DGAT2: variants seen among roughly 807,000 people sequenced by gnomAD.
The protein encoded by DGAT2 is diacylglycerol O-acyltransferase 2, also known as acyl-CoA retinol O-fatty-acyltransferase.
In DGAT2, 33 loss-of-function variants were observed where a neutral mutation model predicts 48.4. The observed-to-expected ratio is 0.68, with a 90% CI of 0.52 to 0.91. DGAT2 has a LOEUF of 0.91. Among genes scored for constraint, DGAT2 ranks in the 40% least tolerant of loss-of-function variants. The probability of loss-of-function intolerance (pLI) is 0.00; values close to 1 mark genes in which losing one functional copy is unlikely to be tolerated. For missense variants in DGAT2, 446 were observed against 493.7 expected (o/e 0.90, Z 0.92); for synonymous variants, 191 against 194.1 (o/e 0.98, Z 0.13).
chr11:75,789,937 A>G (rs1295079834), intron 2 of DGAT2, among the ~76,000 whole-genome samples: 2 of 152,202 alleles, frequency 1.3e-5, no homozygotes, highest in Non-Finnish European at 2.9e-5. Context: ...TCCAGATAAC[A>G]TGGAGCCCAT....
At chr11:75,782,375 C>T (rs1020111336) in intron 1 of DGAT2, among the ~76,000 whole-genome samples, 6 of 152,212 alleles carry the variant, frequency 3.9e-5, no homozygotes, top group African/African-American at 7.2e-5. Context: ...TCCCAGACCA[C>T]GCTTTGAGTA....
intron 1 of DGAT2, among the ~76,000 whole-genome samples, chr11:75,774,395 G>C (rs993349489): frequency 3.9e-5 from 6 of 152,156 alleles, no homozygotes; most frequent in South Asian, 2.1e-4. Context: ...ATGCAGACAG[G>C]CTACACCCTG....
intron 2 of DGAT2, among the ~76,000 whole-genome samples, chr11:75,786,952 A>T (rs955084787): frequency 6.6e-6 from 1 of 152,246 alleles, no homozygotes; most frequent in African/African-American, 2.4e-5. Flanking sequence ...TCTATACATT[A>T]AAAAAGCTGA....
At chr11:75,790,777 A>G in intron 4 of DGAT2, 46 bp downstream of exon 4, 1 of 1,603,386 alleles carries the variant, frequency 6.2e-7, no homozygotes, top group Non-Finnish European at 8.5e-7. Context: ...AATGGATGGG[A>G]AATCTGAACT....
Position 75,798,298 on chromosome 11 carries a change from C to T in DGAT2, c.881C>T (p.Ser294Phe). The change falls in exon 7 of 8, where the codon TCC (serine) becomes TTC (phenylalanine). Residue 294 changes from serine to phenylalanine, a missense_variant. By Grantham distance (155) the Ser-to-Phe change is radical. Transcript: ENST00000228027. ...VYKQVIFEEG[S>F]WGRWVQKKFQ... Reference sequence around the variant, plus strand: ...AAGCAGGTGATCTTCGAGGAGGGCTCCTGGGGCCGATGGGTCCAGAAGAAG... The same window carrying T: ...AAGCAGGTGATCTTCGAGGAGGGCTTCTGGGGCCGATGGGTCCAGAAGAAG... 1.2e-6 allele frequency: 2 copies of T among 1,614,190 alleles called. No homozygotes were observed. The highest frequency in any genetic ancestry group is 1.1e-5 in the South Asian group (1 of 91,084).
Position 75,800,442 on chromosome 11 carries a change from G to A in DGAT2, c.1101G>A (p.Val367=). ...ACACCATGTACATGGAGGCCCTGGTGAAGCTCTTCGACAAGCACAAGACCA... is the reference window on the plus strand; with the variant it reads ...ACACCATGTACATGGAGGCCCTGGTAAAGCTCTTCGACAAGCACAAGACCA... ...LYHTMYMEAL[V]KLFDKHKTKF... is the part of the protein sequence containing the mutation. Residue 367 remains valine, a synonymous_variant, in exon 8 of 8, where the codon GTG becomes GTA. Transcript: ENST00000228027. 1 of 1,614,212 alleles carries A rather than the reference G, an allele frequency of 6.2e-7. No homozygotes were observed. The highest frequency in any genetic ancestry group is 8.5e-7 in the Non-Finnish European group (1 of 1,180,038).
chr11:75,799,634 G>A (rs1452026174), intron 7 of DGAT2, among the ~76,000 whole-genome samples: 1 of 149,752 alleles, frequency 6.7e-6, no homozygotes, highest in South Asian at 2.1e-4. Context: ...TTATTTTTGA[G>A]ACAGGGTCTC....
intron 4 of DGAT2, among the ~76,000 whole-genome samples, chr11:75,791,139 C>T (rs965030726): frequency 6.6e-6 from 1 of 152,250 alleles, no homozygotes; most frequent in African/African-American, 2.4e-5. Context: ...AGCTCCAGCA[C>T]ACCCTAGCTG....
At chr11:75,787,269 T>A (rs751818429) in intron 2 of DGAT2, among the ~76,000 whole-genome samples, 13 of 152,186 alleles carry the variant, frequency 8.5e-5, no homozygotes, top group Non-Finnish European at 1.8e-4. Context: ...TCAGGCTGAG[T>A]AAGTTCAAAC....
chr11:75,785,493 G>A (rs1944912094), intron 2 of DGAT2, among the ~76,000 whole-genome samples: 1 of 152,188 alleles, frequency 6.6e-6, no homozygotes, highest in South Asian at 2.1e-4. Flanking sequence ...TGCAGGTCTG[G>A]CTAGATACCC....
chr11:75,785,447 C>G (rs1399179317), intron 2 of DGAT2, among the ~76,000 whole-genome samples: 1 of 152,218 alleles, frequency 6.6e-6, no homozygotes, highest in Non-Finnish European at 1.5e-5. Context: ...TGCTATCTCT[C>G]AGCACAGCCC....
intron 2 of DGAT2, among the ~76,000 whole-genome samples, chr11:75,789,449 T>C (rs1427873233): frequency 6.6e-6 from 1 of 152,180 alleles, no homozygotes; most frequent in Non-Finnish European, 1.5e-5. Flanking sequence ...TGTGCCTGGC[T>C]GCTGAAGTTT....
rs761541425 is a variant in DGAT2 at position 75,796,520 on chromosome 11, C to T, written c.622C>T (p.Leu208=). The change falls in exon 5 of 8, where the codon CTG becomes TTG. Residue 208 remains leucine (L), a synonymous_variant. Coordinates refer to ENST00000228027, the MANE Select transcript of DGAT2 (RefSeq NM_032564.5). ...NFRMPVLREY[L]MSGGICPVSR... ...CCGAATGCCTGTGTTGAGGGAGTAC[C>T]TGATGTCTGGAGGTAAGAATCCACC... 4 of 1,612,350 alleles carry T rather than the reference C, an allele frequency of 2.5e-6. No homozygotes were observed. Among genetic ancestry groups the T allele is most frequent in the Non-Finnish European group, 3.4e-6 (4 of 1,179,886 alleles).
chr11:75,774,615 G>A (rs143473032), intron 1 of DGAT2, among the ~76,000 whole-genome samples: 83 of 152,196 alleles, frequency 5.5e-4, no homozygotes, highest in East Asian at 1.7e-3. Context: ...GGAGAAATGC[G>A]ATTCCATTCT....
intron 1 of DGAT2, among the ~76,000 whole-genome samples, chr11:75,782,558 G>A (rs1391557169): frequency 6.6e-6 from 1 of 152,174 alleles, no homozygotes; most frequent in African/African-American, 2.4e-5. Flanking sequence ...GACTTGTCCA[G>A]CCCCAGCCCT....
intron 7 of DGAT2, 75 bp downstream of exon 7, chr11:75,798,504 G>A: frequency 6.5e-7 from 1 of 1,528,572 alleles, no homozygotes; most frequent in Non-Finnish European, 8.9e-7. Flanking sequence ...GTAGAGACGG[G>A]ATTCCAATGC....
intron 2 of DGAT2, among the ~76,000 whole-genome samples, chr11:75,787,030 T>A (rs1445520389): frequency 1.3e-5 from 2 of 152,232 alleles, no homozygotes; most frequent in African/African-American, 4.8e-5. Context: ...CATGTAATAA[T>A]TACTATAGTT....
At chr11:75,781,008 C>T (rs1165417821) in intron 1 of DGAT2, among the ~76,000 whole-genome samples, 1 of 152,226 alleles carries the variant, frequency 6.6e-6, no homozygotes, top group African/African-American at 2.4e-5. Flanking sequence ...TGGATCAGAC[C>T]CAGGCCTGGC....
chr11:75,785,720 A>G (rs1367442531), intron 2 of DGAT2, among the ~76,000 whole-genome samples: 2 of 152,194 alleles, frequency 1.3e-5, no homozygotes, highest in Admixed American at 6.5e-5. Flanking sequence ...TCGGGACTGT[A>G]TAGGCTGGTA....
Sources: gnomAD v4.1 joint callset for allele counts (sites outside exome capture counted in the v4.1 genomes callset) on GRCh38, gnomAD v4.1.1 for gene constraint, MANE v1.5 for transcripts, NCBI Gene and HGNC (gene_info 2026-07-23, HGNC 2026-07-21) for gene names.